Variants in THAP12 observed in about 807,000 individuals in gnomAD.
The protein encoded by THAP12 is THAP domain containing 12.
A neutral mutation model predicts 63.0 loss-of-function variants in THAP12; 20 were observed. The observed-to-expected ratio is 0.32, with a 90% CI of 0.22 to 0.46. The LOEUF (loss-of-function observed/expected upper bound fraction) is 0.46. THAP12 is among the 20% of genes least tolerant of loss of function. THAP12 has a pLI of 1.00. For missense variants in THAP12, 568 were observed against 908.2 expected, an observed-to-expected ratio of 0.63 and a Z score of 4.81; for synonymous variants, 264 against 328.4, an observed-to-expected ratio of 0.80 and a Z score of 2.12.
At position 76,352,753 on chromosome 11, in the gene THAP12, T is replaced by A; in HGVS notation, c.397A>T (p.Asn133Tyr). 6.5e-7 allele frequency: 1 copy of A among 1,547,856 alleles called. No individual in the cohort carries two copies. Among genetic ancestry groups the A allele is most frequent in the Non-Finnish European group, 8.7e-7 (1 of 1,150,764 alleles). The part of the protein sequence containing the change: ...SEQEQKHKET[N>Y]NSNAQNPSEE... ...CTGGGGTTCTGAGCATTGCTATTGT[T>A]GGTTTCTTTATGTTTTTGTTCCTGC... The change falls in exon 5 of 5, where the codon AAC (asparagine) becomes TAC (tyrosine). Residue 133 changes from asparagine to tyrosine, a missense_variant. Asn to Tyr is a moderately radical substitution (Grantham distance 143, BLOSUM62 -2). Coordinates refer to ENST00000260045, the MANE Select transcript of THAP12 (RefSeq NM_004705.4).
rs757420872 is a variant in THAP12 at position 76,361,037 on chromosome 11, A to T, written c.237T>A (p.Asp79Glu). ...GATCAAATATTGTTGGTATTGCATT[A>T]TCTCGAAGAACTGTCCTATAAGGAC... ...RTSPYRTVLR[D>E]NAIPTIFDLT... Residue 79 changes from aspartate (D) to glutamate (E), a missense_variant, in exon 3 of 5, where the codon GAT becomes GAA. Coordinates refer to ENST00000260045, the MANE Select transcript of THAP12 (RefSeq NM_004705.4). 6.2e-7 allele frequency: 1 copy of T among 1,610,586 alleles called. No homozygotes were observed. The highest frequency in any genetic ancestry group is 8.5e-7 in the Non-Finnish European group (1 of 1,178,104).
intron 1 of THAP12, among the ~76,000 whole-genome samples, chr11:76,375,114 C>A (rs928003379): frequency 6.6e-6 from 1 of 152,216 alleles, no homozygotes; most frequent in African/African-American, 2.4e-5. Context: ...CAGAAAACCA[C>A]TGTTTTACAT....
chr11:76,373,091 G>C (rs539640703), intron 1 of THAP12, among the ~76,000 whole-genome samples: 2 of 152,246 alleles, frequency 1.3e-5, no homozygotes, highest in Middle Eastern at 6.8e-3. Context: ...ATATATAACA[G>C]AGAAGTATAT....
chr11:76,363,644 A>G (rs1309944611), intron 2 of THAP12, among the ~76,000 whole-genome samples: 2 of 152,196 alleles, frequency 1.3e-5, no homozygotes, highest in African/African-American at 2.4e-5. Flanking sequence ...GCTGAAGTGC[A>G]GTGGCACAAT....
In THAP12 at chr11:76,350,808, C is replaced by T. The variant is rs1946520487; in HGVS notation, c.*56G>A. On this transcript the variant is annotated 3_prime_UTR_variant, in exon 5 of 5. Transcript: ENST00000260045. ...TAGTGATTAAGTGGTCTACATACAC[C>T]TTACGGCTTTTTCTTCCAAATATCA... 3.4e-6 allele frequency: 5 copies of T among 1,471,588 alleles called. No individual in the cohort carries two copies. The Admixed American group carries it at 8.1e-5, about 24-fold the overall frequency. The allele number at this position is 1,471,588 out of a possible 1,614,324, so 91.2% of individuals were successfully genotyped here. A position where few individuals can be genotyped will look rare whatever the true frequency, so the allele number is the denominator to read the frequency against.
chr11:76,369,613 G>C (rs960781206), intron 1 of THAP12, among the ~76,000 whole-genome samples: 1 of 151,936 alleles, frequency 6.6e-6, no homozygotes, highest in African/African-American at 2.4e-5. Flanking sequence ...AATGTGCCTA[G>C]ACTGCTTGTG....
chr11:76,377,960 T>C (rs1395527727), intron 1 of THAP12, among the ~76,000 whole-genome samples: 2 of 152,254 alleles, frequency 1.3e-5, no homozygotes, highest in Non-Finnish European at 2.9e-5. Flanking sequence ...GAGTTCTTTA[T>C]ATATTCTGGA....
At position 76,351,386 on chromosome 11, in the gene THAP12, C is replaced by T; in HGVS notation, c.1764G>A (p.Gln588=). The T allele has an allele frequency of 6.2e-7, 1 of 1,603,292 alleles. No individual in the cohort carries two copies. Among genetic ancestry groups the T allele is most frequent in the Non-Finnish European group, 8.5e-7 (1 of 1,172,286 alleles). Residue 588 remains glutamine (Q), a synonymous_variant, in exon 5 of 5, where the codon CAG becomes CAA. Coordinates refer to ENST00000260045, the MANE Select transcript of THAP12 (RefSeq NM_004705.4). The part of the protein sequence containing the change: ...LSVPTVEHII[Q]ELKDIFSEQH... The stretch of plus-strand genomic sequence containing the variant: ...GTTCTGAGAATATATCTTTAAGTTC[C>T]TGAATAATGTGCTCCACTGTTGGGA...
intron 1 of THAP12, among the ~76,000 whole-genome samples, chr11:76,373,676 C>T (rs1946689522): frequency 6.6e-6 from 1 of 151,408 alleles, no homozygotes; most frequent in South Asian, 2.1e-4. Flanking sequence ...GAGCCATGCT[C>T]CTGCCACTGC....
chr11:76,374,626 A>T (rs1466072487), intron 1 of THAP12, among the ~76,000 whole-genome samples: 1 of 152,248 alleles, frequency 6.6e-6, no homozygotes, highest in East Asian at 1.9e-4. Flanking sequence ...ACAACACAAA[A>T]TTTATCAAAG....
intron 1 of THAP12, among the ~76,000 whole-genome samples, chr11:76,375,437 GTTGA>G (rs1364385952): frequency 2.6e-5 from 4 of 150,972 alleles, no homozygotes; most frequent in Non-Finnish European, 5.9e-5. Flanking sequence ...CCTAAGCTGG[GTTGA>G]TTATTTCACT....
At chr11:76,352,860 C>T (rs1946537325) in intron 4 of THAP12, 66 bp from the exon 5 acceptor site, 3 of 1,459,518 alleles carry the variant, frequency 2.1e-6, no homozygotes, top group Middle Eastern at 3.6e-4. Context: ...AAAAATATTA[C>T]ATCTTTGGTT....
At chr11:76,358,784 G>C (rs1008329061) in intron 3 of THAP12, 6 of 152,086 alleles carry the variant, frequency 3.9e-5, no homozygotes, top group Admixed American at 3.9e-4. Flanking sequence ...CTCTGGCTTG[G>C]GTGACAGAGT....
intron 1 of THAP12, among the ~76,000 whole-genome samples, chr11:76,372,547 T>TTAC (rs1946682016): frequency 6.6e-6 from 1 of 150,728 alleles, no homozygotes; most frequent in African/African-American, 2.5e-5. Flanking sequence ...AGTGCTGGGA[T>TTAC]TACAGGCCTG....
In THAP12 at chr11:76,352,018, A is replaced by G; in HGVS notation, c.1132T>C (p.Ser378Pro). Residue 378 changes from serine (S) to proline (P), a missense_variant, in exon 5 of 5, where the codon TCT becomes CCT. Ser to Pro is a moderately conservative substitution (Grantham distance 74). Transcript: ENST00000260045. ...TCCTCAATTGTTCCTAATGCAACAG[A>G]TACTCCCATAACAGGTACTGATTTT... ...LAKSVPVMGV[S>P]VALGTIEEVC... 1 of 1,610,286 alleles carries G rather than the reference A, an allele frequency of 6.2e-7. No individual in the cohort carries two copies. Among genetic ancestry groups the G allele is most frequent in the Non-Finnish European group, 8.5e-7 (1 of 1,178,924 alleles).
At chr11:76,356,153 A>G (rs1946559736) in intron 3 of THAP12, 1 of 152,552 alleles carries the variant, frequency 6.6e-6, no homozygotes, top group African/African-American at 2.4e-5. Context: ...TACACAGAGC[A>G]TAGTAGGCCA....
chr11:76,365,899 A>G lies in THAP12; in HGVS notation c.163T>C (p.Tyr55His). 6.2e-7 allele frequency: 1 copy of G among 1,613,278 alleles called. No homozygotes were observed. The highest frequency in any genetic ancestry group is 8.5e-7 in the Non-Finnish European group (1 of 1,179,356). ...TCAAAATGTTTGGCACATAATCGAT[A>G]ATGTTTATTTAGCTGATCAGGTGTT... Reference protein sequence around the residue: ...DKTPDQLNKHYRLCAKHFETS... With the variant: ...DKTPDQLNKHHRLCAKHFETS... The change falls in exon 2 of 5, where the codon TAT (tyrosine) becomes CAT (histidine). Residue 55 changes from tyrosine (Y) to histidine (H), a missense_variant. Tyr to His is a moderately conservative substitution (Grantham distance 83). Coordinates refer to ENST00000260045, the MANE Select transcript of THAP12 (RefSeq NM_004705.4).
chr11:76,376,727 T>A (rs1946714005), intron 1 of THAP12, among the ~76,000 whole-genome samples: 1 of 149,286 alleles, frequency 6.7e-6, no homozygotes, highest in South Asian at 2.1e-4. Context: ...ATTCCAGTAT[T>A]TCAAGTGAGA....
chr11:76,362,403 C>G (rs546398668), intron 2 of THAP12, among the ~76,000 whole-genome samples: 128 of 152,280 alleles, frequency 8.4e-4, no homozygotes, highest in African/African-American at 2.9e-3. Flanking sequence ...TTGGGTTGTA[C>G]CCAAAGAGTT....
Sources: gnomAD v4.1 joint callset for allele counts (sites outside exome capture counted in the v4.1 genomes callset) on GRCh38, gnomAD v4.1.1 for gene constraint, MANE v1.5 for transcripts, NCBI Gene and HGNC (gene_info 2026-07-23, HGNC 2026-07-21) for gene names.